Variants in CRYBG1 observed in about 807,000 individuals in gnomAD.
The protein encoded by CRYBG1 is crystallin beta-gamma domain containing 1.
CRYBG1 carries 139 observed loss-of-function variants against 189.2 expected under a neutral mutation model. The observed-to-expected ratio is 0.73, with a 90% CI of 0.64 to 0.85. CRYBG1 has a LOEUF of 0.85. Ranked by LOEUF, CRYBG1 falls within the 40% of genes least tolerant of loss-of-function variation. The probability of loss-of-function intolerance (pLI) is 0.00; values close to 1 mark genes in which losing one functional copy is unlikely to be tolerated. For missense variants in CRYBG1, 2,611 were observed against 2,675.8 expected, an observed-to-expected ratio of 0.98 and a Z score of 0.53; for synonymous variants, 1,023 against 1,017.1, an observed-to-expected ratio of 1.01 and a Z score of -0.11.
intron 1 of CRYBG1, among the ~76,000 whole-genome samples, chr6:106,447,262 C>A (rs753800224): frequency 1.3e-5 from 2 of 151,986 alleles, no homozygotes; most frequent in Non-Finnish European, 2.9e-5. Context: ...CATCAGGGAG[C>A]CAAGCTTAGC....
chr6:106,455,330 T>C (rs1173309162), intron 2 of CRYBG1, among the ~76,000 whole-genome samples: 1 of 152,072 alleles, frequency 6.6e-6, no homozygotes, highest in Non-Finnish European at 1.5e-5. Flanking sequence ...ACATTGTAGA[T>C]TATTATGTGT....
intron 18 of CRYBG1, 104 bp from the exon 19 acceptor site, chr6:106,560,699 G>GTATA: frequency 7.6e-7 from 1 of 1,316,008 alleles, no homozygotes; most frequent in Non-Finnish European, 1.0e-6. Flanking sequence ...TATGTTAAAA[G>GTATA]TATATAGTTC....
chr6:106,511,047 G>A (rs1212539921), intron 2 of CRYBG1, among the ~76,000 whole-genome samples: 1 of 152,182 alleles, frequency 6.6e-6, no homozygotes, highest in East Asian at 1.9e-4. Context: ...TGTGTTTACT[G>A]CTGCCCCATG....
In CRYBG1 at chr6:106,360,852, G is replaced by A; in HGVS notation, c.-57G>A. On this transcript the variant is annotated 5_prime_UTR_variant, in exon 1 of 22. Coordinates refer to ENST00000633556, the MANE Select transcript of CRYBG1 (RefSeq NM_001371242.2). ...GCGCTCAGGTGTGTTCTTCCATAGG[G>A]CCCGGGCGGCAGAGAGGACCGCGTC... 10 of 1,479,350 alleles carry A rather than the reference G, an allele frequency of 6.8e-6. No individual in the cohort carries two copies. Among genetic ancestry groups the A allele is most frequent in the Non-Finnish European group, 8.9e-6 (10 of 1,118,924 alleles). 91.6% of individuals were successfully genotyped at this position (1,479,350 alleles called of 1,614,324 possible).
chr6:106,417,563 C>T (rs1220351064), intron 1 of CRYBG1, among the ~76,000 whole-genome samples: 1 of 152,164 alleles, frequency 6.6e-6, no homozygotes, highest in Non-Finnish European at 1.5e-5. Flanking sequence ...AGGCACTTAC[C>T]CTTGCTCTCC....
intron 4 of CRYBG1, among the ~76,000 whole-genome samples, chr6:106,524,881 T>C (rs535362069): frequency 6.6e-6 from 1 of 152,314 alleles, no homozygotes; most frequent in Non-Finnish European, 1.5e-5. Flanking sequence ...TTTTCTAGCA[T>C]TGGTGGAAAT....
intron 2 of CRYBG1, among the ~76,000 whole-genome samples, chr6:106,452,119 G>A (rs1771792842): frequency 6.8e-6 from 1 of 147,994 alleles, no homozygotes; most frequent in Non-Finnish European, 1.5e-5. Context: ...AATAAAGAAT[G>A]AGCTTGGCCG....
At chr6:106,517,293 C>CAT (rs200759653) in intron 3 of CRYBG1, among the ~76,000 whole-genome samples, 17 of 139,820 alleles carry the variant, frequency 1.2e-4, no homozygotes, top group African/African-American at 2.6e-4. Flanking sequence ...TATATATATA[C>CAT]ATATATATAT....
In CRYBG1 at chr6:106,520,765, A is replaced by C. The variant is rs1405744325; in HGVS notation, c.3557A>C (p.Lys1186Thr). Residue 1186 changes from lysine (K) to threonine (T), a missense_variant, in exon 4 of 22, where the codon AAA becomes ACA. This residue lies in a region of CRYBG1 where 1,622 missense variants were observed against 1,735.0 expected (regional missense o/e 0.93). Coordinates refer to ENST00000633556, the MANE Select transcript of CRYBG1 (RefSeq NM_001371242.2). ...ATGCAGAACCTTGACACAAAATCCA[A>C]ACTGAGACCCAAACGTGCATCTGCT... is the stretch of plus-strand genomic sequence containing the variant. ...HLMQNLDTKS[K>T]LRPKRASAEQ... 6.2e-7 allele frequency: 1 copy of C among 1,613,982 alleles called. No individual in the cohort carries two copies. Among genetic ancestry groups the C allele is most frequent in the African/African-American group, 1.3e-5 (1 of 74,870 alleles).
chr6:106,473,239 C>T (rs1402858699), intron 2 of CRYBG1, among the ~76,000 whole-genome samples: 2 of 152,114 alleles, frequency 1.3e-5, no homozygotes, highest in Non-Finnish European at 2.9e-5. Context: ...ATATAAACCA[C>T]CACCCCACTC....
chr6:106,512,765 CCA>C lies in CRYBG1; in HGVS notation c.1649_1650del (p.Pro550ArgfsTer68), dbSNP rs778227191. Reference sequence around the variant, plus strand: ...ACCCAAGAGGGTGCCCGATCCCAGCCCAGTCACCAAGGGCACTGCGGCCGAGA... The same window carrying C: ...ACCCAAGAGGGTGCCCGATCCCAGCCGTCACCAAGGGCACTGCGGCCGAGA... ...SPPKRVPDPS[P>X]VTKGTAAESG... On this transcript the variant is annotated frameshift_variant, in exon 3 of 22. Coordinates refer to ENST00000633556, the MANE Select transcript of CRYBG1 (RefSeq NM_001371242.2). LOFTEE classifies it high-confidence loss of function. The C allele has an allele frequency of 6.3e-7, 1 of 1,579,356 alleles. No individual in the cohort carries two copies. The highest frequency in any genetic ancestry group is 1.1e-5 in the South Asian group (1 of 87,060).
At chr6:106,390,727 G>A (rs1211663404) in intron 1 of CRYBG1, among the ~76,000 whole-genome samples, 3 of 152,060 alleles carry the variant, frequency 2.0e-5, no homozygotes, top group African/African-American at 4.8e-5. Flanking sequence ...GTCCATGAGA[G>A]TCATTCATAT....
intron 4 of CRYBG1, 51 bp from the exon 5 acceptor site, chr6:106,525,082 C>G (rs763050217): frequency 6.3e-7 from 1 of 1,584,780 alleles, no homozygotes; most frequent in Non-Finnish European, 8.7e-7. Context: ...AAAAGAGGAT[C>G]GTTATGTGAA....
intron 1 of CRYBG1, among the ~76,000 whole-genome samples, chr6:106,431,053 G>T (rs1176048209): frequency 2.0e-5 from 3 of 151,976 alleles, no homozygotes; most frequent in African/African-American, 7.3e-5. Flanking sequence ...GTAGAGATGG[G>T]GTTTCACCAT....
chr6:106,561,166 G>A (rs192823781), intron 19 of CRYBG1, among the ~76,000 whole-genome samples, 176 bp from the exon 20 acceptor site: 42 of 152,264 alleles, frequency 2.8e-4, no homozygotes, highest in Admixed American at 1.0e-3. Flanking sequence ...TGCCTCAGGC[G>A]CTTTGACATT....
intron 7 of CRYBG1, among the ~76,000 whole-genome samples, chr6:106,529,148 A>G (rs1582820287): frequency 6.6e-6 from 1 of 151,982 alleles, no homozygotes; most frequent in Non-Finnish European, 1.5e-5. Context: ...GTTTTGCCAT[A>G]TTGGCCAGGC....
intron 1 of CRYBG1, among the ~76,000 whole-genome samples, chr6:106,443,919 G>T (rs912266362): frequency 6.6e-6 from 1 of 151,728 alleles, no homozygotes; most frequent in Non-Finnish European, 1.5e-5. Context: ...AAGTAGTGTT[G>T]ACTGTAGTCA....
chr6:106,457,316 G>A (rs1771909035), intron 2 of CRYBG1: 1 of 152,028 alleles, frequency 6.6e-6, no homozygotes, highest in South Asian at 2.1e-4. Flanking sequence ...TTCTTTTAAT[G>A]CCACCGGTTC....
At chr6:106,365,785 C>A (rs1008080039) in intron 1 of CRYBG1, among the ~76,000 whole-genome samples, 7 of 151,702 alleles carry the variant, frequency 4.6e-5, no homozygotes, top group Non-Finnish European at 7.4e-5. Flanking sequence ...GAGCCAAATT[C>A]AAGCAGTAGA....
Sources: allele counts gnomAD v4.1 joint callset (sites outside exome capture counted in the v4.1 genomes callset), GRCh38; gene constraint gnomAD v4.1.1; regional missense constraint gnomAD v4.1.1; transcripts MANE v1.5; gene names NCBI Gene and HGNC (gene_info 2026-07-23, HGNC 2026-07-21).